Variants in RUFY1 observed in about 807,000 individuals in gnomAD.
RUFY1 encodes the protein RUN and FYVE domain-containing protein 1.
Under a neutral mutation model 94.6 loss-of-function variants are expected in RUFY1, and 54 were observed. The ratio of observed to expected loss-of-function variants is 0.57; its 90% CI spans 0.46 to 0.72. RUFY1 has a LOEUF of 0.72. RUFY1 is among the 30% of genes least tolerant of loss of function. The probability of loss-of-function intolerance (pLI) is 0.00; values close to 1 mark genes in which losing one functional copy is unlikely to be tolerated. For missense variants in RUFY1, 883 were observed against 883.9 expected, an observed-to-expected ratio of 1.00 and a Z score of 0.01; for synonymous variants, 396 against 347.3, an observed-to-expected ratio of 1.14 and a Z score of -1.56.
chr5:179,583,430 A>T (rs1347874288), intron 7 of RUFY1, among the ~76,000 whole-genome samples: 2 of 127,586 alleles, frequency 1.6e-5, no homozygotes, highest in Non-Finnish European at 3.5e-5. Flanking sequence ...ATATATATAT[A>T]TTTTAAGACG....
intron 1 of RUFY1, among the ~76,000 whole-genome samples, chr5:179,559,302 G>T (rs1226213113): frequency 6.6e-6 from 1 of 152,220 alleles, no homozygotes; most frequent in African/African-American, 2.4e-5. Flanking sequence ...ACAAGATAAT[G>T]GGAGTTGAAA....
At chr5:179,581,409 T>C (rs1764148247) in intron 7 of RUFY1, among the ~76,000 whole-genome samples, 1 of 151,396 alleles carries the variant, frequency 6.6e-6, no homozygotes, top group Non-Finnish European at 1.5e-5. Flanking sequence ...CAGAGCAATG[T>C]ACTAGTGATC....
At chr5:179,584,664 C>CAAGGTGGGAGGATCATGAGCCTTG (rs1764452959) in intron 7 of RUFY1, among the ~76,000 whole-genome samples, 1 of 151,496 alleles carries the variant, frequency 6.6e-6, no homozygotes, top group Non-Finnish European at 1.5e-5. Context: ...GGTGGGAGGC[C>CAAGGTGGGAGGATCATGAGCCTTG]AAGGTGGGAG....
Position 179,600,684 on chromosome 5 carries a change from C to CTTTTTTTTTTTTTTT in RUFY1, c.1762-1192_1762-1178dup, listed in dbSNP as rs398000079. Among the ~76,000 whole-genome samples, 17 of 54,662 alleles carry CTTTTTTTTTTTTTTT rather than the reference C, an allele frequency of 3.1e-4. 4 individuals carry two copies. The highest frequency in any genetic ancestry group is 1.3e-3 in the African/African-American group (16 of 12,424). 35.9% of individuals were successfully genotyped at this position (54,662 alleles called of 152,430 possible). ...AGCCTCATTTGTCCTATGATGGTAA[C>CTTTTTTTTTTTTTTT]TTTTTTTTTTTTTTTTTTTTTTTTT... is the stretch of plus-strand genomic sequence containing the variant. On this transcript the variant is annotated intron_variant, in intron 14 of 17. Coordinates refer to ENST00000319449, the MANE Select transcript of RUFY1 (RefSeq NM_025158.5).
intron 16 of RUFY1, chr5:179,606,923 C>G (rs995555162): frequency 1.2e-4 from 18 of 153,340 alleles, no homozygotes; most frequent in African/African-American, 4.3e-4. Context: ...ACACCCCAGT[C>G]CCTAAGCCCA....
intron 4 of RUFY1, chr5:179,568,926 G>A: frequency 1.9e-6 from 1 of 531,762 alleles, no homozygotes; most frequent in Non-Finnish European, 2.4e-6. Context: ...TTGGATGTGG[G>A]ATCCCATTTC....
rs1286589040 is a variant in RUFY1, at chr5:179,608,326, G to A, written c.1983+667G>A. ...AGAGGAAGCCACAGCTACCCCACCCGCTCCCCAACCCGAGTTTCAGGCAGT... is the reference window on the plus strand; with the variant it reads ...AGAGGAAGCCACAGCTACCCCACCCACTCCCCAACCCGAGTTTCAGGCAGT... On this transcript the variant is annotated intron_variant, in intron 17 of 17. Coordinates refer to ENST00000319449, the MANE Select transcript of RUFY1 (RefSeq NM_025158.5). 19 of 985,488 alleles carry A rather than the reference G, an allele frequency of 1.9e-5. No individual in the cohort carries two copies. The East Asian group carries it at 3.4e-4, about 18-fold the overall frequency. The allele number at this position is 985,488 out of a possible 1,614,324, so 61.0% of individuals were successfully genotyped here.
At position 179,550,803 on chromosome 5, in the gene RUFY1, GGCGAGCTGCGGGA is replaced by G. The variant is rs1242442454; in HGVS notation, c.238_250del (p.Ser80ArgfsTer26). On this transcript the variant is annotated frameshift_variant, in exon 1 of 18. Transcript: ENST00000319449. LOFTEE classifies it high-confidence loss of function. ...CACGCAGGGCCACCGGGAACCTGTCGGCGAGCTGCGGGAGCGCGCTGCGCGCGGCCGCGGGGCT... is the reference window on the plus strand; with the variant it reads ...CACGCAGGGCCACCGGGAACCTGTCGGCGCGCTGCGCGCGGCCGCGGGGCT... 3 of 1,319,578 alleles carry G rather than the reference GGCGAGCTGCGGGA, an allele frequency of 2.3e-6. No homozygotes were observed. In the South Asian group the frequency reaches 6.0e-5, roughly 26 times the overall value. The allele number at this position is 1,319,578 out of a possible 1,614,324, so 81.7% of individuals were successfully genotyped here. A position where few individuals can be genotyped will look rare whatever the true frequency, so the allele number is the denominator to read the frequency against.
At chr5:179,554,743 G>A (rs929799614) in intron 1 of RUFY1, among the ~76,000 whole-genome samples, 5 of 151,632 alleles carry the variant, frequency 3.3e-5, no homozygotes, top group South Asian at 2.1e-4. Context: ...CGAGGCGGGC[G>A]GATCATTTGA....
At chr5:179,582,809 C>T (rs1256545507) in intron 7 of RUFY1, among the ~76,000 whole-genome samples, 4 of 152,064 alleles carry the variant, frequency 2.6e-5, no homozygotes, top group Non-Finnish European at 5.9e-5. Context: ...CACCATTGCA[C>T]TCCAGCCTGG....
intron 7 of RUFY1, among the ~76,000 whole-genome samples, chr5:179,583,299 CA>C (rs936549939): frequency 1.3e-5 from 2 of 149,376 alleles, no homozygotes; most frequent in South Asian, 2.1e-4. Context: ...GACTCTGTCT[CA>C]AAAAAAAATT....
intron 2 of RUFY1, among the ~76,000 whole-genome samples, chr5:179,561,384 A>G (rs537836842): frequency 1.3e-5 from 2 of 152,152 alleles, no homozygotes; most frequent in East Asian, 3.9e-4. Flanking sequence ...TGGACCATAT[A>G]TGTCCTTAAA....
intron 2 of RUFY1, among the ~76,000 whole-genome samples, chr5:179,560,740 AAAAG>A (rs1251640308): frequency 2.6e-5 from 4 of 150,998 alleles, no homozygotes; most frequent in African/African-American, 9.7e-5. Context: ...AAAAAAAAAA[AAAAG>A]AAAAAAGAAA....
At chr5:179,590,100 T>C (rs1239489790) in intron 9 of RUFY1, among the ~76,000 whole-genome samples, 1 of 152,076 alleles carries the variant, frequency 6.6e-6, no homozygotes, top group Non-Finnish European at 1.5e-5. Flanking sequence ...ACACCTGTAA[T>C]CCCAGCACTT....
rs1301453839 is a variant in RUFY1 at position 179,550,605 on chromosome 5, G to C, written c.36G>C (p.Arg12=). 7.5e-7 allele frequency: 1 copy of C among 1,329,416 alleles called. No individual in the cohort carries two copies. The highest frequency in any genetic ancestry group is 9.5e-7 in the Non-Finnish European group (1 of 1,047,500). 82.4% of individuals were successfully genotyped at this position (1,329,416 alleles called of 1,614,324 possible). A position where few individuals can be genotyped will look rare whatever the true frequency, so the allele number is the denominator to read the frequency against. The change falls in exon 1 of 18, where the codon CGG becomes CGC. Residue 12 remains arginine (R), a synonymous_variant. Coordinates refer to ENST00000319449, the MANE Select transcript of RUFY1 (RefSeq NM_025158.5). ...ADREGGCAAG[R]GRELEPELEP... Reference sequence around the variant, plus strand: ...GGGAAGGCGGCTGCGCTGCTGGGCGGGGGCGGGAGCTGGAGCCGGAGCTGG... The same window carrying C: ...GGGAAGGCGGCTGCGCTGCTGGGCGCGGGCGGGAGCTGGAGCCGGAGCTGG...
At position 179,550,595 on chromosome 5, in the gene RUFY1, C is replaced by T. The variant is rs773239258; in HGVS notation, c.26C>T (p.Ala9Val). 3.3e-5 allele frequency: 45 copies of T among 1,344,370 alleles called. No individual in the cohort carries two copies. The highest frequency in any genetic ancestry group is 4.1e-5 in the Non-Finnish European group (43 of 1,049,716). The allele number at this position is 1,344,370 out of a possible 1,614,324, so 83.3% of individuals were successfully genotyped here. Residue 9 changes from alanine to valine, a missense_variant, in exon 1 of 18, where the codon GCT becomes GTT. Physicochemically the swap from Ala to Val is moderately conservative, Grantham distance 64 (BLOSUM62 0). Coordinates refer to ENST00000319449, the MANE Select transcript of RUFY1 (RefSeq NM_025158.5). Reference protein sequence around the residue: MADREGGCAAGRGRELEPE... With the variant: MADREGGCVAGRGRELEPE... ...ATGGCCGACCGGGAAGGCGGCTGCGCTGCTGGGCGGGGGCGGGAGCTGGAG... is the reference window on the plus strand; with the variant it reads ...ATGGCCGACCGGGAAGGCGGCTGCGTTGCTGGGCGGGGGCGGGAGCTGGAG...
At chr5:179,580,380 C>T (rs1764048788) in intron 6 of RUFY1, among the ~76,000 whole-genome samples, 1 of 151,462 alleles carries the variant, frequency 6.6e-6, no homozygotes, top group Non-Finnish European at 1.5e-5. Flanking sequence ...GGAGCTGGGA[C>T]TACAGGCGCC....
At chr5:179,575,665 G>A (rs978752776) in intron 5 of RUFY1, among the ~76,000 whole-genome samples, 8 of 152,106 alleles carry the variant, frequency 5.3e-5, no homozygotes, top group Admixed American at 5.2e-4. Flanking sequence ...GTGTCAGAGA[G>A]GTTGCAGACA....
At chr5:179,551,573 C>T (rs1429773843) in intron 1 of RUFY1, among the ~76,000 whole-genome samples, 1 of 151,468 alleles carries the variant, frequency 6.6e-6, no homozygotes, top group African/African-American at 2.4e-5. Context: ...CTCACTGCAC[C>T]CTCTGCCTCC....
Sources: gnomAD v4.1 joint callset for allele counts (sites outside exome capture counted in the v4.1 genomes callset) on GRCh38, gnomAD v4.1.1 for gene constraint, MANE v1.5 for transcripts, NCBI Gene and HGNC (gene_info 2026-07-23, HGNC 2026-07-21) for gene names.